HYDIN: variants seen among roughly 807,000 people sequenced by gnomAD.
HYDIN encodes HYDIN axonemal central pair apparatus protein.
In HYDIN, 132 loss-of-function variants were observed where a neutral mutation model predicts 403.9. That is an observed-to-expected ratio of 0.33 (90% CI 0.28 to 0.38). The LOEUF is 0.38. HYDIN is among the 10% of genes least tolerant of loss of function. HYDIN has a pLI of 1.00. For synonymous variants in HYDIN, 1,202 were observed against 1,891.7 expected (o/e 0.64, Z 9.46); for missense variants, 2,827 against 5,009.5 (o/e 0.56, Z 13.15).
chr16:70,956,574 G>A (rs953346017), intron 39 of HYDIN, among the ~76,000 whole-genome samples: 1 of 152,138 alleles, frequency 6.6e-6, no homozygotes, highest in Non-Finnish European at 1.5e-5. Flanking sequence ...GAGAGCAGGA[G>A]GGTTGGAGTC....
At chr16:71,133,941 C>T (rs1224277685) in intron 8 of HYDIN, among the ~76,000 whole-genome samples, 1 of 152,136 alleles carries the variant, frequency 6.6e-6, no homozygotes, top group Non-Finnish European at 1.5e-5. Context: ...AGAACTTCTT[C>T]CCACGGGGAG....
intron 67 of HYDIN, 87 bp from the exon 68 acceptor site, chr16:70,863,269 TTTTGAAGTCATGTCACTTTGTTTC>T: frequency 1.6e-6 from 2 of 1,227,220 alleles, no homozygotes; most frequent in South Asian, 2.3e-5. Context: ...GTACTTAACC[TTTTGAAGTCATGTCACTTTGTTTC>T]TTAAATATTT....
intron 18 of HYDIN, among the ~76,000 whole-genome samples, chr16:71,052,711 T>C (rs1334626107): frequency 2.3e-5 from 1 of 44,094 alleles, no homozygotes; most frequent in Non-Finnish European, 3.9e-5. Flanking sequence ...CTTAGCAGGG[T>C]GTGGTGGCAT....
At chr16:71,020,408 A>G in intron 21 of HYDIN, 91 bp from the exon 22 acceptor site, 1 of 1,469,768 alleles carries the variant, frequency 6.8e-7, no homozygotes, top group Non-Finnish European at 9.1e-7. Context: ...TTTAGAACAA[A>G]TTTAGCAATC....
intron 48 of HYDIN, 50 bp downstream of exon 48, chr16:70,908,603 A>C (rs1029388981): frequency 3.4e-5 from 50 of 1,489,864 alleles, no homozygotes; most frequent in Non-Finnish European, 4.4e-5. Flanking sequence ...TCACACCCTC[A>C]GTGTGGGCTT....
intron 1 of HYDIN, among the ~76,000 whole-genome samples, chr16:71,187,702 C>A (rs766437783): frequency 7.3e-5 from 11 of 151,720 alleles, no homozygotes; most frequent in Non-Finnish European, 1.5e-4. Context: ...TAAGGAAGTA[C>A]CAGACCAAGA....
rs200516609 is a variant in HYDIN, at chr16:71,009,716, G to A, written c.3644+8413C>T. ...CCACAGGTGCCCTTATATGAGGGAG[G>A]CAGAGGGCCATGTTCTTCCAGAGAG... On this transcript the variant is annotated intron_variant, in intron 23 of 85. Transcript: ENST00000393567. Among the ~76,000 whole-genome samples, 654 of 139,956 alleles carry A rather than the reference G, an allele frequency of 4.7e-3. 42 individuals are homozygous for A. In the East Asian group the frequency reaches 0.13, roughly 28 times the overall value. The allele number at this position is 139,956 out of a possible 152,430, so 91.8% of individuals were successfully genotyped here.
At chr16:70,830,163 G>C (rs1162477325) in intron 80 of HYDIN, among the ~76,000 whole-genome samples, 4 of 151,480 alleles carry the variant, frequency 2.6e-5, no homozygotes, top group Non-Finnish European at 5.9e-5. Context: ...GAAAGACAAA[G>C]TAGAAGGGGT....
chr16:70,868,534 G>C, intron 66 of HYDIN, 36 bp downstream of exon 66: 7 of 1,587,740 alleles, frequency 4.4e-6, no homozygotes, highest in Non-Finnish European at 6.0e-6. Context: ...CAAGCATGGA[G>C]GCCTGGTCAG....
intron 1 of HYDIN, among the ~76,000 whole-genome samples, chr16:71,195,986 G>A (rs1450633899): frequency 6.6e-6 from 1 of 152,104 alleles, no homozygotes; most frequent in African/African-American, 2.4e-5. Flanking sequence ...GGACCATGTA[G>A]GAAGAAGGAA....
intron 41 of HYDIN, among the ~76,000 whole-genome samples, chr16:70,946,443 T>A (rs947877551): frequency 6.6e-6 from 1 of 151,600 alleles, no homozygotes; most frequent in Non-Finnish European, 1.5e-5. Flanking sequence ...TAAATTTAAA[T>A]TAAGATCCTT....
intron 41 of HYDIN, among the ~76,000 whole-genome samples, chr16:70,944,170 A>G (rs2077774144): frequency 6.6e-6 from 1 of 152,210 alleles, no homozygotes; most frequent in Non-Finnish European, 1.5e-5. Context: ...TGTGTACTGA[A>G]CTGCACGCAG....
intron 45 of HYDIN, among the ~76,000 whole-genome samples, chr16:70,933,199 G>A (rs2143853651): frequency 6.6e-6 from 1 of 152,276 alleles, no homozygotes; most frequent in South Asian, 2.1e-4. Flanking sequence ...GCCCTAGTCT[G>A]GGACGGGCTT....
intron 62 of HYDIN, among the ~76,000 whole-genome samples, chr16:70,875,842 G>C (rs1472594321): frequency 5.9e-5 from 9 of 152,038 alleles, no homozygotes; most frequent in Non-Finnish European, 1.3e-4. Flanking sequence ...GAGATTAATA[G>C]GTGAAAATTG....
intron 41 of HYDIN, among the ~76,000 whole-genome samples, chr16:70,945,077 C>T (rs937706523): frequency 6.6e-6 from 1 of 152,216 alleles, no homozygotes; most frequent in African/African-American, 2.4e-5. Context: ...AAAAGACCAC[C>T]CTACTCGTCA....
rs66570981 is a variant in HYDIN at position 71,215,570 on chromosome 16, T to TAA, written c.-24+14990_-24+14991dup. The stretch of plus-strand genomic sequence containing the variant: ...ATCCTGTAATCAATCTTAATGCCAT[T>TAA]AAAAAAAAAAATACTAGCCAGGTGT... On this transcript the variant is annotated intron_variant, in intron 1 of 85. Transcript: ENST00000393567. Among the ~76,000 whole-genome samples, 1,329 of 148,078 alleles carry TAA rather than the reference T, an allele frequency of 9.0e-3. 18 individuals carry two copies. Among genetic ancestry groups the TAA allele is most frequent in the African/African-American group, 0.03 (1,230 of 40,568 alleles).
intron 25 of HYDIN, among the ~76,000 whole-genome samples, chr16:70,989,608 T>C (rs1312298835): frequency 3.9e-5 from 6 of 152,176 alleles, no homozygotes; most frequent in Non-Finnish European, 8.8e-5. Context: ...TCTTCCCATA[T>C]GACTGAATAT....
chr16:71,129,812 T>C lies in HYDIN; in HGVS notation c.1055A>G (p.Asp352Gly). ...EDREKYRACD[D>G]LIKEEKDETD... Reference sequence around the variant, plus strand: ...CTCATCCTTCTCCTCTTTGATCAGATCATCACAGGCCCTAAAGAAAACAGG... The same window carrying C: ...CTCATCCTTCTCCTCTTTGATCAGACCATCACAGGCCCTAAAGAAAACAGG... The change falls in exon 9 of 86, where the codon GAT becomes GGT. Residue 352 changes from aspartate (D) to glycine (G), a missense_variant. Transcript: ENST00000393567. 1 of 1,609,648 alleles carries C rather than the reference T, an allele frequency of 6.2e-7. No homozygotes were observed. The highest frequency in any genetic ancestry group is 8.5e-7 in the Non-Finnish European group (1 of 1,177,474).
intron 10 of HYDIN, chr16:71,113,572 C>G (rs2083908197): frequency 6.6e-6 from 1 of 151,738 alleles, no homozygotes; most frequent in Admixed American, 6.6e-5. Flanking sequence ...TTCGGGATTT[C>G]TTGACTTTCA....
Sources: allele counts gnomAD v4.1 joint callset (sites outside exome capture counted in the v4.1 genomes callset), GRCh38; gene constraint gnomAD v4.1.1; transcripts MANE v1.5; gene names NCBI Gene and HGNC (gene_info 2026-07-23, HGNC 2026-07-21).